Variants in PLCB1 observed in about 807,000 individuals in gnomAD.
PLCB1 encodes the protein 1-phosphatidylinositol 4,5-bisphosphate phosphodiesterase beta-1.
PLCB1 carries 46 observed loss-of-function variants against 161.8 expected under a neutral mutation model. The observed-to-expected ratio is 0.28, with a 90% confidence interval of 0.22 to 0.36. The LOEUF is 0.36. PLCB1 is among the 10% of genes least tolerant of loss of function. The pLI is 1.00. For missense variants in PLCB1, 1,016 were observed against 1,472.5 expected, an observed-to-expected ratio of 0.69 and a Z score of 5.07; for synonymous variants, 517 against 503.7, an observed-to-expected ratio of 1.03 and a Z score of -0.35.
Position 8,145,072 on chromosome 20 carries a change from A to G in PLCB1, c.100-5222A>G, listed in dbSNP as rs191593743. 8.1e-4 allele frequency among the ~76,000 whole-genome samples: 123 copies of G among 152,284 alleles called. 1 individual carries two copies. The highest frequency in any genetic ancestry group is 3.4e-3 in the Middle Eastern group (1 of 294). On this transcript the variant is annotated intron_variant, in intron 1 of 31. Transcript: ENST00000338037. Reference sequence around the variant, plus strand: ...GTAGTTTACTAAGACTTCCATAGCAAAGGACCATAGCCTGGGTGGATTACA... The same window carrying G: ...GTAGTTTACTAAGACTTCCATAGCAGAGGACCATAGCCTGGGTGGATTACA...
At chr20:8,343,207 T>G in intron 2 of PLCB1, among the ~76,000 whole-genome samples, 1 of 152,194 alleles carries the variant, frequency 6.6e-6, no homozygotes, top group Non-Finnish European at 1.5e-5. Flanking sequence ...GGCCTGAGAT[T>G]CTACATTTCT....
chr20:8,496,469 G>A (rs563970090), intron 3 of PLCB1, among the ~76,000 whole-genome samples: 142 of 152,286 alleles, frequency 9.3e-4, no homozygotes, highest in African/African-American at 3.1e-3. Context: ...GCGCCACTGC[G>A]CCCCAGAGAG....
At chr20:8,643,685 C>T (rs1258429172) in intron 4 of PLCB1, among the ~76,000 whole-genome samples, 6 of 152,058 alleles carry the variant, frequency 3.9e-5, no homozygotes, top group East Asian at 1.9e-4. Flanking sequence ...GTCGGGAGAT[C>T]GAGACCATCC....
chr20:8,296,091 CT>C (rs1983616548), intron 2 of PLCB1, among the ~76,000 whole-genome samples: 1 of 152,114 alleles, frequency 6.6e-6, no homozygotes, highest in Non-Finnish European at 1.5e-5. Flanking sequence ...AAGATAGTCA[CT>C]GCAATTATTT....
intron 31 of PLCB1, among the ~76,000 whole-genome samples, chr20:8,829,402 T>C (rs724110): frequency 0.21 from 32,613 of 152,142 alleles, 4,122 homozygotes; most frequent in African/African-American, 0.35. Flanking sequence ...AGGGGATAAT[T>C]CAGATGAACA....
At chr20:8,289,667 G>C (rs184954548) in intron 2 of PLCB1, among the ~76,000 whole-genome samples, 2 of 152,278 alleles carry the variant, frequency 1.3e-5, no homozygotes, top group Admixed American at 6.5e-5. Flanking sequence ...TTATAAGTCA[G>C]GTTGACCAGG....
chr20:8,314,639 G>C (rs1040011177), intron 2 of PLCB1, among the ~76,000 whole-genome samples: 1 of 152,188 alleles, frequency 6.6e-6, no homozygotes, highest in Non-Finnish European at 1.5e-5. Flanking sequence ...AAAACGCTTA[G>C]CATTTGTCTT....
rs377465640 is a variant in PLCB1 at position 8,152,637 on chromosome 20, C to CAA, written c.177+2275_177+2276dup. Among the ~76,000 whole-genome samples the CAA allele has an allele frequency of 8.3e-4, 122 of 147,366 alleles. 1 individual carries two copies. The highest frequency in any genetic ancestry group is 3.5e-3 in the Middle Eastern group (1 of 288). On this transcript the variant is annotated intron_variant, in intron 2 of 31. Transcript: ENST00000338037. ...ACCATAGAGATAATCTCTCAGAAAA[C>CAA]AAAAAAAAAATGTGATACCTTTAAG...
intron 2 of PLCB1, among the ~76,000 whole-genome samples, chr20:8,247,191 G>A (rs529228575): frequency 1.8e-4 from 28 of 152,014 alleles, no homozygotes; most frequent in African/African-American, 6.7e-4. Flanking sequence ...TTTATCAGAT[G>A]AGTAAACTGA....
At chr20:8,818,350 G>A (rs1356172760) in intron 31 of PLCB1, among the ~76,000 whole-genome samples, 2 of 152,094 alleles carry the variant, frequency 1.3e-5, no homozygotes, top group Non-Finnish European at 2.9e-5. Context: ...GAGGACTGAG[G>A]GTTTCCCACC....
At chr20:8,790,142 A>G in intron 30 of PLCB1, 33 bp from the exon 31 acceptor site, 1 of 1,477,226 alleles carries the variant, frequency 6.8e-7, no homozygotes, top group Non-Finnish European at 9.4e-7. Context: ...AAATGTTTAG[A>G]TGAAAGTAAT....
chr20:8,720,096 G>A (rs1009192955), intron 14 of PLCB1, among the ~76,000 whole-genome samples: 1 of 152,144 alleles, frequency 6.6e-6, no homozygotes, highest in Non-Finnish European at 1.5e-5. Flanking sequence ...GTTTGGAAGT[G>A]AGTATCATTA....
intron 31 of PLCB1, among the ~76,000 whole-genome samples, chr20:8,840,884 T>G (rs1986477976): frequency 6.6e-6 from 1 of 152,188 alleles, no homozygotes; most frequent in Non-Finnish European, 1.5e-5. Context: ...TGGTGCGATC[T>G]CAGCACACTG....
intron 3 of PLCB1, among the ~76,000 whole-genome samples, chr20:8,556,601 A>G (rs1309113070): frequency 1.3e-5 from 2 of 151,812 alleles, no homozygotes; most frequent in Non-Finnish European, 2.9e-5. Flanking sequence ...GCTTCACAAC[A>G]GCAGGAAATG....
intron 2 of PLCB1, among the ~76,000 whole-genome samples, chr20:8,232,963 T>C (rs563839812): frequency 1.3e-5 from 2 of 152,230 alleles, no homozygotes; most frequent in South Asian, 4.1e-4. Flanking sequence ...ATGTATACAT[T>C]TTTTCACTGC....
chr20:8,430,077 G>A (rs1979968910), intron 3 of PLCB1, among the ~76,000 whole-genome samples: 1 of 151,980 alleles, frequency 6.6e-6, no homozygotes, highest in African/African-American at 2.4e-5. Flanking sequence ...TGAAGCCTAA[G>A]GGTCTGAATG....
At chr20:8,316,766 T>G (rs1233839337) in intron 2 of PLCB1, among the ~76,000 whole-genome samples, 1 of 152,174 alleles carries the variant, frequency 6.6e-6, no homozygotes, top group East Asian at 1.9e-4. Context: ...TTGAATTTTT[T>G]TCCTCATTTA....
intron 2 of PLCB1, among the ~76,000 whole-genome samples, chr20:8,289,841 A>G (rs1210865695): frequency 6.6e-6 from 1 of 152,180 alleles, no homozygotes; most frequent in Non-Finnish European, 1.5e-5. Flanking sequence ...ATTAGGCTGC[A>G]GTTTTGACAG....
intron 4 of PLCB1, among the ~76,000 whole-genome samples, chr20:8,643,430 T>A (rs1341010590): frequency 6.6e-6 from 1 of 152,178 alleles, no homozygotes; most frequent in Non-Finnish European, 1.5e-5. Flanking sequence ...TCACCTCTAG[T>A]TCTTTTCCCA....
Sources: gnomAD v4.1 joint callset for allele counts (sites outside exome capture counted in the v4.1 genomes callset) on GRCh38, gnomAD v4.1.1 for gene constraint, MANE v1.5 for transcripts, NCBI Gene and HGNC (gene_info 2026-07-23, HGNC 2026-07-21) for gene names.